Variants in SCHIP1 observed in about 807,000 individuals in gnomAD.
SCHIP1 encodes the protein schwannomin interacting protein 1.
SCHIP1 carries 8 observed loss-of-function variants against 29.7 expected under a neutral mutation model. The observed-to-expected ratio is 0.27, with a 90% CI of 0.16 to 0.49. SCHIP1 has a LOEUF of 0.49. Ranked by LOEUF, SCHIP1 falls within the 20% of genes least tolerant of loss-of-function variation. SCHIP1 has a pLI of 0.99. For missense variants in SCHIP1, 193 were observed against 294.6 expected (o/e 0.66, Z 2.52); for synonymous variants, 76 against 94.9 (o/e 0.80, Z 1.16).
chr3:159,520,679 G>A, the SCHIP1 span, among the ~76,000 whole-genome samples: 12 of 152,048 alleles, frequency 7.9e-5, no homozygotes, highest in African/African-American at 2.7e-4. Context: ...GTATTTCCCC[G>A]CATCAAGTGC....
chr3:159,823,294 G>C, the SCHIP1 span, among the ~76,000 whole-genome samples: 1 of 152,206 alleles, frequency 6.6e-6, no homozygotes, highest in African/African-American at 2.4e-5. Flanking sequence ...GCAATGGGCG[G>C]TAGGTGGTCT....
chr3:159,724,844 A>G, the SCHIP1 span, among the ~76,000 whole-genome samples: 2 of 152,280 alleles, frequency 1.3e-5, no homozygotes, highest in African/African-American at 4.8e-5. Context: ...CACCTTGTGC[A>G]TGTAACTCAA....
At chr3:159,772,830 T>A in the SCHIP1 span, among the ~76,000 whole-genome samples, 1 of 152,132 alleles carries the variant, frequency 6.6e-6, no homozygotes, top group Admixed American at 6.5e-5. Context: ...AAACTCCGCC[T>A]CCCGGGTTCA....
the SCHIP1 span, among the ~76,000 whole-genome samples, chr3:159,754,894 C>T: frequency 3.3e-5 from 5 of 152,144 alleles, no homozygotes; most frequent in South Asian, 2.1e-4. Flanking sequence ...TGTATTAGTC[C>T]GTTTTCACAC....
intron 1 of SCHIP1, among the ~76,000 whole-genome samples, chr3:159,860,577 C>T (rs753904582): frequency 1.3e-5 from 2 of 152,164 alleles, no homozygotes; most frequent in Admixed American, 6.5e-5. Flanking sequence ...CATTATAAAA[C>T]AAGTACATCC....
rs1160512767 is a variant in SCHIP1 at position 159,853,408 on chromosome 3, ACAT to A, written c.31-12749_31-12747del. On this transcript the variant is annotated intron_variant, in intron 1 of 6. Coordinates refer to ENST00000445224, the Ensembl canonical transcript of SCHIP1. Reference sequence around the variant, plus strand: ...AATTTGGACAGTGATGGAATGGATGACATCATCAGTCAAGAATCCTCATTGGAT... The same window carrying A: ...AATTTGGACAGTGATGGAATGGATGACATCAGTCAAGAATCCTCATTGGAT... 3.6e-5 allele frequency: 25 copies of A among 699,382 alleles called. 1 individual carries two copies. Among genetic ancestry groups the A allele is most frequent in the Non-Finnish European group, 6.3e-5 (24 of 383,492 alleles). The allele number at this position is 699,382 out of a possible 1,614,324, so 43.3% of individuals were successfully genotyped here. A position where few individuals can be genotyped will look rare whatever the true frequency, so the allele number is the denominator to read the frequency against.
rs540412257 is a variant in SCHIP1 at position 159,887,575 on chromosome 3, A to G, written c.268-133A>G. On this transcript the variant is annotated intron_variant, in intron 3 of 6. Transcript: ENST00000445224. ...CTGTTACTTGAGATTTATCAACTCA[A>G]GTAGCAAGTCACATTGAGGGAGGGA... 15 of 930,824 alleles carry G rather than the reference A, an allele frequency of 1.6e-5. No individual in the cohort carries two copies. In the African/African-American group the frequency reaches 2.0e-4, roughly 12 times the overall value. 57.7% of individuals were successfully genotyped at this position (930,824 alleles called of 1,614,324 possible).
At chr3:159,452,622 T>A in the SCHIP1 span, among the ~76,000 whole-genome samples, 5 of 152,218 alleles carry the variant, frequency 3.3e-5, no homozygotes, top group Non-Finnish European at 7.3e-5. Context: ...CGTGTGCATG[T>A]GTCTTTATAG....
chr3:159,477,997 A>G, the SCHIP1 span, among the ~76,000 whole-genome samples: 52 of 138,250 alleles, frequency 3.8e-4, no homozygotes, highest in African/African-American at 1.4e-3. Flanking sequence ...ATCTTGGCTC[A>G]CTGCAACCTC....
chr3:159,427,324 C>T, the SCHIP1 span, among the ~76,000 whole-genome samples: 1 of 151,702 alleles, frequency 6.6e-6, no homozygotes, highest in Non-Finnish European at 1.5e-5. Context: ...CCAAAATCTC[C>T]TTAAGCTGAT....
chr3:159,309,843 G>A, the SCHIP1 span, among the ~76,000 whole-genome samples: 21 of 152,284 alleles, frequency 1.4e-4, no homozygotes, highest in African/African-American at 4.8e-4. Context: ...TTTTTACTAA[G>A]AGGAAAATCA....
chr3:159,461,366 G>T, the SCHIP1 span, among the ~76,000 whole-genome samples: 1 of 151,970 alleles, frequency 6.6e-6, no homozygotes, highest in Non-Finnish European at 1.5e-5. Context: ...CTTTCTGTCT[G>T]TTGAGGACGC....
At chr3:159,822,559 T>G in the SCHIP1 span, among the ~76,000 whole-genome samples, 1 of 150,648 alleles carries the variant, frequency 6.6e-6, no homozygotes, top group South Asian at 2.1e-4. Flanking sequence ...AAGACGGAAT[T>G]TACAGGCCAA....
At chr3:159,537,187 T>C in the SCHIP1 span, among the ~76,000 whole-genome samples, 1 of 152,114 alleles carries the variant, frequency 6.6e-6, no homozygotes, top group African/African-American at 2.4e-5. Context: ...CAAGGAGGGA[T>C]GAAATTTCTG....
At chr3:159,409,973 C>G in the SCHIP1 span, among the ~76,000 whole-genome samples, 1 of 152,012 alleles carries the variant, frequency 6.6e-6, no homozygotes, top group African/African-American at 2.4e-5. Context: ...CAAATCCATA[C>G]ATCTACAGTG....
chr3:159,674,527 C>T, the SCHIP1 span, among the ~76,000 whole-genome samples: 6 of 139,564 alleles, frequency 4.3e-5, no homozygotes, highest in African/African-American at 1.1e-4. Flanking sequence ...CATGTGGCAG[C>T]GGTCTTTGGA....
chr3:159,341,784 C>T, the SCHIP1 span, among the ~76,000 whole-genome samples: 76 of 152,048 alleles, frequency 5.0e-4, no homozygotes, highest in Non-Finnish European at 9.4e-4. Context: ...TGTATCTAAA[C>T]CAAAAGTCCT....
chr3:159,627,864 C>T, the SCHIP1 span, among the ~76,000 whole-genome samples: 1,080 of 152,262 alleles, frequency 7.1e-3, 14 homozygotes, highest in African/African-American at 0.024. Context: ...CTGACTCTTA[C>T]GTGGTTTTGG....
chr3:159,891,196 C>G (rs932670062), intron 5 of SCHIP1, among the ~76,000 whole-genome samples: 1 of 152,038 alleles, frequency 6.6e-6, no homozygotes, highest in African/African-American at 2.4e-5. Context: ...AAGGCAAAAC[C>G]CTGTCTCTAC....
Sources: gnomAD v4.1 joint callset for allele counts (sites outside exome capture counted in the v4.1 genomes callset) on GRCh38, gnomAD v4.1.1 for gene constraint, MANE v1.5 for transcripts, NCBI Gene and HGNC (gene_info 2026-07-23, HGNC 2026-07-21) for gene names.